PIK3C2G: variants seen among roughly 807,000 people sequenced by gnomAD.
PIK3C2G encodes phosphatidylinositol-4-phosphate 3-kinase catalytic subunit type 2 gamma, also known as phosphatidylinositol 3-kinase C2 domain-containing subunit gamma.
PIK3C2G carries 168 observed loss-of-function variants against 181.1 expected under a neutral mutation model. That is an observed-to-expected ratio of 0.93 (90% CI 0.82 to 1.05). PIK3C2G has a LOEUF of 1.05. Ranked by LOEUF, PIK3C2G falls within the 50% of genes least tolerant of loss-of-function variation. The pLI, the probability that PIK3C2G is intolerant of heterozygous loss-of-function variation, is 0.00. For missense variants in PIK3C2G, 1,869 were observed against 1,732.8 expected, an observed-to-expected ratio of 1.08 and a Z score of -1.40; for synonymous variants, 573 against 592.2, an observed-to-expected ratio of 0.97 and a Z score of 0.47.
At chr12:18,498,567 A>T (rs1241302863) in intron 22 of PIK3C2G, among the ~76,000 whole-genome samples, 1 of 147,992 alleles carries the variant, frequency 6.8e-6, no homozygotes, top group Non-Finnish European at 1.5e-5. Context: ...CCATGTAGTC[A>T]TTTTTTTTTT....
At chr12:18,502,189 A>G (rs891240230) in intron 22 of PIK3C2G, among the ~76,000 whole-genome samples, 2 of 152,218 alleles carry the variant, frequency 1.3e-5, no homozygotes, top group African/African-American at 4.8e-5. Flanking sequence ...CCCAATGATC[A>G]TAACAGGACT....
intron 17 of PIK3C2G, among the ~76,000 whole-genome samples, chr12:18,421,657 A>G (rs1042906895): frequency 6.6e-6 from 1 of 152,070 alleles, no homozygotes; most frequent in Non-Finnish European, 1.5e-5. Context: ...TAGATATAGA[A>G]TAGAAGGTAA....
At chr12:18,499,625 A>G (rs1359884482) in intron 22 of PIK3C2G, among the ~76,000 whole-genome samples, 3 of 152,142 alleles carry the variant, frequency 2.0e-5, no homozygotes, top group Non-Finnish European at 4.4e-5. Context: ...ACATAGGGGG[A>G]TGGAAAGAGT....
chr12:18,524,032 C>G (rs973024199), intron 24 of PIK3C2G, among the ~76,000 whole-genome samples: 1 of 152,166 alleles, frequency 6.6e-6, no homozygotes, highest in African/African-American at 2.4e-5. Flanking sequence ...AGAGCAACCC[C>G]CACAATCTGT....
At chr12:18,505,963 G>T (rs1010435564) in intron 24 of PIK3C2G, among the ~76,000 whole-genome samples, 1 of 152,190 alleles carries the variant, frequency 6.6e-6, no homozygotes, top group African/African-American at 2.4e-5. Context: ...TCTCTTTCTA[G>T]TAGGGGTGAC....
At chr12:18,491,602 G>T in intron 20 of PIK3C2G, 44 bp downstream of exon 20, 1 of 1,099,228 alleles carries the variant, frequency 9.1e-7, no homozygotes. Flanking sequence ...TTTCTGTTTT[G>T]TATAGTTTAG....
chr12:18,677,678 G>A, the PIK3C2G span, among the ~76,000 whole-genome samples: 1 of 151,998 alleles, frequency 6.6e-6, no homozygotes, highest in Non-Finnish European at 1.5e-5. Context: ...CTCTTAAAAG[G>A]GAGAAAAGAC....
At chr12:18,607,259 ATAG>A in intron 30 of PIK3C2G, 1 of 477,598 alleles carries the variant, frequency 2.1e-6, no homozygotes, top group Non-Finnish European at 4.2e-6. Flanking sequence ...CTAGAAAGAA[ATAG>A]TAGAGCCTGT....
chr12:18,482,360 C>T (rs1302069240), intron 18 of PIK3C2G, among the ~76,000 whole-genome samples: 2 of 152,114 alleles, frequency 1.3e-5, no homozygotes, highest in African/African-American at 2.4e-5. Context: ...TCTCTGTGAG[C>T]GCAGATTCTC....
At chr12:18,700,373 G>A in the PIK3C2G span, among the ~76,000 whole-genome samples, 1 of 151,764 alleles carries the variant, frequency 6.6e-6, no homozygotes, top group East Asian at 1.9e-4. Flanking sequence ...CCCAAGTTTT[G>A]TTTTGGGAAA....
At chr12:18,489,782 G>A (rs933181610) in intron 19 of PIK3C2G, among the ~76,000 whole-genome samples, 18 of 151,976 alleles carry the variant, frequency 1.2e-4, no homozygotes, top group Admixed American at 3.9e-4. Flanking sequence ...TTTGTGTGAC[G>A]GTTTGGTCTT....
intron 24 of PIK3C2G, among the ~76,000 whole-genome samples, chr12:18,517,192 C>T (rs1183272733): frequency 6.6e-6 from 1 of 152,044 alleles, no homozygotes; most frequent in Admixed American, 6.6e-5. Context: ...CATTTGTCTG[C>T]TGTTACTTTC....
intron 30 of PIK3C2G, among the ~76,000 whole-genome samples, chr12:18,598,053 C>A (rs1947476910): frequency 6.6e-6 from 1 of 152,104 alleles, no homozygotes; most frequent in African/African-American, 2.4e-5. Context: ...GAATCAATAT[C>A]ATGAAAATGG....
intron 31 of PIK3C2G, among the ~76,000 whole-genome samples, chr12:18,621,191 C>A (rs1222045447): frequency 6.7e-6 from 1 of 148,808 alleles, no homozygotes. Flanking sequence ...TAAGGCAGTT[C>A]AAAGCAATTT....
the PIK3C2G span, among the ~76,000 whole-genome samples, chr12:18,720,910 C>A: frequency 6.6e-6 from 1 of 151,872 alleles, no homozygotes; most frequent in Admixed American, 6.6e-5. Context: ...AATGTTATGA[C>A]ATCATAAAAA....
chr12:18,280,208 T>C (rs547691655), intron 1 of PIK3C2G, among the ~76,000 whole-genome samples: 159 of 152,124 alleles, frequency 1.0e-3, no homozygotes, highest in African/African-American at 3.7e-3. Flanking sequence ...CAAATGAGCA[T>C]CTACTATGAG....
At chr12:18,706,477 T>C in the PIK3C2G span, among the ~76,000 whole-genome samples, 2 of 152,208 alleles carry the variant, frequency 1.3e-5, no homozygotes, top group Non-Finnish European at 2.9e-5. Context: ...ACTCATTGTT[T>C]TAGAATTAGA....
chr12:18,256,662 C>T (rs565744541), upstream of PIK3C2G, among the ~76,000 whole-genome samples: 118 of 152,194 alleles, frequency 7.8e-4, 1 homozygote, highest in African/African-American at 2.6e-3. Context: ...ACAGAGGTTA[C>T]GTGTTCTTCT....
chr12:18,562,121 A>G (rs1945376687), intron 26 of PIK3C2G, among the ~76,000 whole-genome samples: 1 of 152,134 alleles, frequency 6.6e-6, no homozygotes, highest in Admixed American at 6.5e-5. Flanking sequence ...CAAATAAACA[A>G]CAAAATCTTT....
Sources: allele counts gnomAD v4.1 joint callset (sites outside exome capture counted in the v4.1 genomes callset), GRCh38; gene constraint gnomAD v4.1.1; transcripts MANE v1.5; gene names NCBI Gene and HGNC (gene_info 2026-07-23, HGNC 2026-07-21).